RNF182: variants seen among roughly 807,000 people sequenced by gnomAD.
RNF182 encodes the protein ring finger protein 182.
In RNF182, 15 loss-of-function variants were observed where a neutral mutation model predicts 14.4. The observed-to-expected ratio is 1.04, with a 90% confidence interval of 0.70 to 1.60. The LOEUF (loss-of-function observed/expected upper bound fraction) is 1.60. Among genes scored for constraint, RNF182 ranks in the 40% most tolerant of loss-of-function variants. The pLI is 0.00. For synonymous variants in RNF182, 128 were observed against 122.9 expected (o/e 1.04, Z -0.27); for missense variants, 268 against 294.8 (o/e 0.91, Z 0.67).
chr6:13,934,493 G>A (rs1353609528), intron 1 of RNF182, among the ~76,000 whole-genome samples: 2 of 152,128 alleles, frequency 1.3e-5, no homozygotes, highest in Non-Finnish European at 2.9e-5. Context: ...CTATACCTTC[G>A]CCTATTTTTC....
chr6:13,976,720 A>T (rs1760334304), intron 2 of RNF182, among the ~76,000 whole-genome samples, 189 bp from the exon 3 acceptor site: 1 of 152,232 alleles, frequency 6.6e-6, no homozygotes, highest in Non-Finnish European at 1.5e-5. Context: ...TTGTTGACTG[A>T]AACAGCTAAG....
At chr6:13,971,422 T>C (rs1760180300) in intron 1 of RNF182, among the ~76,000 whole-genome samples, 1 of 152,192 alleles carries the variant, frequency 6.6e-6, no homozygotes, top group Non-Finnish European at 1.5e-5. Flanking sequence ...TAACCCTCTT[T>C]TTCTTTATAA....
chr6:13,955,464 G>T lies in RNF182; in HGVS notation c.-366-18746G>T, dbSNP rs187252804. On this transcript the variant is annotated intron_variant, in intron 1 of 2. Coordinates refer to ENST00000488300, the MANE Select transcript of RNF182 (RefSeq NM_152737.4). ...CCCTTGGTTATTTGGTTTCAGAGTG[G>T]GTTATGTTCCTCACATCTTCCAAAG... 6.5e-4 allele frequency among the ~76,000 whole-genome samples: 99 copies of T among 152,250 alleles called. 1 individual carries two copies. Among genetic ancestry groups the T allele is most frequent in the African/African-American group, 2.3e-3 (96 of 41,546 alleles).
intron 1 of RNF182, among the ~76,000 whole-genome samples, chr6:13,947,535 T>G (rs931356597): frequency 6.6e-6 from 1 of 152,346 alleles, no homozygotes; most frequent in African/African-American, 2.4e-5. Context: ...AACTGTGTTC[T>G]ATAATCTAAT....
Position 13,962,296 on chromosome 6 carries a change from A to G in RNF182, c.-366-11914A>G, listed in dbSNP as rs184548093. Among the ~76,000 whole-genome samples the G allele has an allele frequency of 3.6e-3, 547 of 152,340 alleles. 2 individuals carry two copies. The highest frequency in any genetic ancestry group is 5.8e-3 in the Non-Finnish European group (392 of 68,022). The stretch of plus-strand genomic sequence containing the variant: ...CTCCATAAATAATGAGGTTAGGAAC[A>G]TCGGGTTTTGTGAATGAGCAATTGG... On this transcript the variant is annotated intron_variant, in intron 1 of 2. Transcript: ENST00000488300.
intron 1 of RNF182, among the ~76,000 whole-genome samples, chr6:13,947,396 T>G (rs527568741): frequency 1.1e-4 from 17 of 152,340 alleles, no homozygotes; most frequent in African/African-American, 3.6e-4. Flanking sequence ...AAAATAAATT[T>G]TAGTCTTATT....
intron 1 of RNF182, among the ~76,000 whole-genome samples, chr6:13,973,641 T>C (rs1021450040): frequency 6.6e-6 from 1 of 152,178 alleles, no homozygotes; most frequent in African/African-American, 2.4e-5. Flanking sequence ...TGCCGCCATG[T>C]AAGACATGCC....
rs887662903 is a variant in RNF182 at position 13,961,996 on chromosome 6, ATTTTAATGAAAGGCATAGT to A, written c.-366-12194_-366-12176del. On this transcript the variant is annotated intron_variant, in intron 1 of 2. Coordinates refer to ENST00000488300, the MANE Select transcript of RNF182 (RefSeq NM_152737.4). ...AGTGAGAAGGATTTTTTTGAATGGC[ATTTTAATGAAAGGCATAGT>A]TTTTAATGAAAGGCATAGTAAAACC... 6.6e-5 allele frequency among the ~76,000 whole-genome samples: 10 copies of A among 152,278 alleles called. No homozygotes were observed. In the East Asian group the frequency reaches 9.6e-4, roughly 15 times the overall value.
In RNF182 at chr6:13,976,934, T is replaced by G. The variant is rs182795756; in HGVS notation, c.-186T>G. On this transcript the variant is annotated 5_prime_UTR_variant, in exon 3 of 3. The change abolishes an upstream ATG in the 5' untranslated region. Coordinates refer to ENST00000488300, the MANE Select transcript of RNF182 (RefSeq NM_152737.4). Reference sequence around the variant, plus strand: ...ACCCTTCATGTGGCCTTTATAAATATGCGTTTGAGACAGAGTTATATGCAG... The same window carrying G: ...ACCCTTCATGTGGCCTTTATAAATAGGCGTTTGAGACAGAGTTATATGCAG... 2 of 638,400 alleles carry G rather than the reference T, an allele frequency of 3.1e-6. No homozygotes were observed. Among genetic ancestry groups the G allele is most frequent in the African/African-American group, 1.8e-5 (1 of 55,452 alleles). The allele number at this position is 638,400 out of a possible 1,614,324, so 39.5% of individuals were successfully genotyped here. A position where few individuals can be genotyped will look rare whatever the true frequency, so the allele number is the denominator to read the frequency against.
At chr6:13,926,741 A>G (rs1018528443) in intron 1 of RNF182, among the ~76,000 whole-genome samples, 4 of 151,758 alleles carry the variant, frequency 2.6e-5, no homozygotes, top group South Asian at 4.2e-4. Flanking sequence ...ATGTAGTTTT[A>G]TGTTTTGTAC....
intron 1 of RNF182, among the ~76,000 whole-genome samples, chr6:13,950,367 T>C (rs1470348742): frequency 1.3e-5 from 2 of 152,146 alleles, no homozygotes; most frequent in Non-Finnish European, 2.9e-5. Flanking sequence ...ATAAAAAATG[T>C]CATAGAAGCA....
At chr6:13,942,862 C>G (rs2113600406) in intron 1 of RNF182, among the ~76,000 whole-genome samples, 1 of 152,228 alleles carries the variant, frequency 6.6e-6, no homozygotes, top group South Asian at 2.1e-4. Context: ...TTCTCATCTT[C>G]TGTTCCGTTC....
chr6:13,964,514 T>C (rs1038492633), intron 1 of RNF182, among the ~76,000 whole-genome samples: 1 of 152,214 alleles, frequency 6.6e-6, no homozygotes, highest in Non-Finnish European at 1.5e-5. Flanking sequence ...CTAAAGTGGC[T>C]TGCTATCTTG....
intron 1 of RNF182, among the ~76,000 whole-genome samples, chr6:13,955,746 A>G (rs931786387): frequency 6.6e-6 from 1 of 152,080 alleles, no homozygotes; most frequent in Non-Finnish European, 1.5e-5. Context: ...CCACCATGGT[A>G]CCATTTTTTA....
intron 1 of RNF182, among the ~76,000 whole-genome samples, chr6:13,927,887 TTG>T (rs1248883059): frequency 6.6e-6 from 1 of 152,220 alleles, no homozygotes; most frequent in African/African-American, 2.4e-5. Flanking sequence ...AGATTTAGAT[TTG>T]TGGCTGGGGA....
At chr6:13,974,977 G>C (rs1760287546) in intron 2 of RNF182, among the ~76,000 whole-genome samples, 1 of 152,188 alleles carries the variant, frequency 6.6e-6, no homozygotes, top group Non-Finnish European at 1.5e-5. Context: ...CATCTGGGTG[G>C]GCATGTAGCT....
chr6:13,938,175 ATTTTTTTT>A (rs1169253099), intron 1 of RNF182, among the ~76,000 whole-genome samples: 1 of 92,732 alleles, frequency 1.1e-5, no homozygotes, highest in Non-Finnish European at 2.1e-5. Flanking sequence ...AATTTTTTGT[ATTTTTTTT>A]TTTTTTTTTT....
chr6:13,952,265 A>G (rs1428846404), intron 1 of RNF182, among the ~76,000 whole-genome samples: 1 of 152,180 alleles, frequency 6.6e-6, no homozygotes, highest in Non-Finnish European at 1.5e-5. Flanking sequence ...CTTCTCCAGC[A>G]GGCCGTCAGC....
chr6:13,973,983 G>T (rs766185799), intron 1 of RNF182, among the ~76,000 whole-genome samples: 2 of 152,186 alleles, frequency 1.3e-5, no homozygotes, highest in Admixed American at 6.5e-5. Flanking sequence ...TGACAGAAGT[G>T]AAGGCAGGTT....
Sources: gnomAD v4.1 joint callset for allele counts (sites outside exome capture counted in the v4.1 genomes callset) on GRCh38, gnomAD v4.1.1 for gene constraint, MANE v1.5 for transcripts, NCBI Gene and HGNC (gene_info 2026-07-23, HGNC 2026-07-21) for gene names.